Variants in TAF4 observed in about 807,000 individuals in gnomAD.
TAF4 encodes transcription initiation factor TFIID subunit 4.
TAF4 carries 9 observed loss-of-function variants against 90.3 expected under a neutral mutation model. The ratio of observed to expected loss-of-function variants is 0.10; its 90% CI spans 0.06 to 0.17. The LOEUF (loss-of-function observed/expected upper bound fraction) is 0.17, where lower values mean the gene tolerates loss of function less well. TAF4 is among the 10% of genes least tolerant of loss of function. The pLI is 1.00. For missense variants in TAF4, 1,351 were observed against 1,370.7 expected (o/e 0.99, Z 0.23); for synonymous variants, 818 against 638.9 (o/e 1.28, Z -4.23).
intron 1 of TAF4, among the ~76,000 whole-genome samples, chr20:62,040,462 A>C (rs900688009): frequency 6.6e-6 from 1 of 152,354 alleles, no homozygotes; most frequent in South Asian, 2.1e-4. Context: ...CCGGGGAGGA[A>C]GCTGGAGCAG....
intron 14 of TAF4, chr20:61,979,086 T>C (rs1257093570): frequency 6.5e-6 from 1 of 153,170 alleles, no homozygotes; most frequent in East Asian, 1.9e-4. Context: ...CGCAGAGAGT[T>C]TGTTGCTAAA....
intron 1 of TAF4, among the ~76,000 whole-genome samples, chr20:62,017,668 A>T (rs555762425): frequency 3.9e-4 from 59 of 152,104 alleles, no homozygotes; most frequent in East Asian, 9.7e-4. Flanking sequence ...ATAATAATTT[A>T]AAAAAATTGC....
At chr20:62,014,500 G>A in intron 2 of TAF4, 47 bp downstream of exon 2, 1 of 1,547,508 alleles carries the variant, frequency 6.5e-7, no homozygotes, top group Admixed American at 2.1e-5. Context: ...TGGGGAGAGG[G>A]GCTGGGCAGG....
intron 1 of TAF4, among the ~76,000 whole-genome samples, chr20:62,033,427 A>C (rs1410329153): frequency 1.3e-5 from 2 of 152,226 alleles, no homozygotes; most frequent in Non-Finnish European, 1.5e-5. Flanking sequence ...AAGCAAACAG[A>C]AAGCAACTTC....
intron 1 of TAF4, among the ~76,000 whole-genome samples, chr20:62,063,109 G>A (rs1258250759): frequency 3.3e-5 from 5 of 152,094 alleles, no homozygotes; most frequent in African/African-American, 4.8e-5. Context: ...GTCGTAAAGG[G>A]CGTCTCAGCA....
chr20:62,029,284 T>C (rs1600851348), intron 1 of TAF4, among the ~76,000 whole-genome samples: 1 of 152,124 alleles, frequency 6.6e-6, no homozygotes, highest in African/African-American at 2.4e-5. Context: ...GTTTGAAATT[T>C]TGCAAGATAA....
rs1279740983 is a variant in TAF4 at position 62,009,257 on chromosome 20, T to C, written c.1762-83A>G. 3.8e-6 allele frequency: 5 copies of C among 1,311,848 alleles called. No individual in the cohort carries two copies. The East Asian group carries it at 1.2e-4, about 32-fold the overall frequency. 81.3% of individuals were successfully genotyped at this position (1,311,848 alleles called of 1,614,324 possible). A position where few individuals can be genotyped will look rare whatever the true frequency, so the allele number is the denominator to read the frequency against. On this transcript the variant is annotated intron_variant, in intron 4 of 14. Coordinates refer to ENST00000252996, the MANE Select transcript of TAF4 (RefSeq NM_003185.4). ...GCCTTTGGTTACTAAAATATGCATA[T>C]GTACAAAAGATACATATATTTCTTC...
At chr20:62,063,298 C>CAAT (rs2056100247) in intron 1 of TAF4, among the ~76,000 whole-genome samples, 1 of 152,212 alleles carries the variant, frequency 6.6e-6, no homozygotes. Flanking sequence ...TCAAAGTGAC[C>CAAT]AATAGCTCCA....
chr20:61,986,856 A>C (rs1312572109), intron 14 of TAF4, among the ~76,000 whole-genome samples: 3 of 152,266 alleles, frequency 2.0e-5, no homozygotes, highest in African/African-American at 7.2e-5. Flanking sequence ...CCAATTAATA[A>C]ATGTAAACAG....
At chr20:62,008,899 G>C (rs865987645) in intron 5 of TAF4, 153 bp downstream of exon 5, 7 of 1,013,944 alleles carry the variant, frequency 6.9e-6, no homozygotes, top group Admixed American at 2.8e-5. Context: ...ACACGCCTTC[G>C]ACACGTGTGC....
intron 12 of TAF4, among the ~76,000 whole-genome samples, chr20:61,998,440 G>A (rs542384808): frequency 2.6e-5 from 4 of 152,258 alleles, no homozygotes; most frequent in East Asian, 1.9e-4. Context: ...TCTACCAATC[G>A]CAGGCTCTGA....
At chr20:62,014,486 T>G in intron 2 of TAF4, 61 bp downstream of exon 2, 1 of 1,510,930 alleles carries the variant, frequency 6.6e-7, no homozygotes, top group Admixed American at 2.3e-5. Flanking sequence ...TTCCCCAGCA[T>G]GCGTGGGGAG....
chr20:62,042,290 A>C (rs1415230801), intron 1 of TAF4, among the ~76,000 whole-genome samples: 1 of 152,160 alleles, frequency 6.6e-6, no homozygotes, highest in Non-Finnish European at 1.5e-5. Context: ...CTCCAGAGGA[A>C]GATCATCTTC....
At chr20:61,983,762 T>C (rs1220567772) in intron 14 of TAF4, among the ~76,000 whole-genome samples, 1 of 152,170 alleles carries the variant, frequency 6.6e-6, no homozygotes, top group Non-Finnish European at 1.5e-5. Context: ...TTAACTCACC[T>C]ATTAAAAGAG....
At position 62,065,765 on chromosome 20, in the gene TAF4, C is replaced by T; in HGVS notation, c.46G>A (p.Glu16Lys). 3 of 1,344,730 alleles carry T rather than the reference C, an allele frequency of 2.2e-6. No individual in the cohort carries two copies. Among genetic ancestry groups the T allele is most frequent in the South Asian group, 1.3e-5 (1 of 77,798 alleles). The allele number at this position is 1,344,730 out of a possible 1,614,324, so 83.3% of individuals were successfully genotyped here. Residue 16 changes from glutamate to lysine, a missense_variant, in exon 1 of 15, where the codon GAG becomes AAG. Around this residue, in one of 9 missense-constraint regions of TAF4, gnomAD observed 782 missense variants for 536.6 expected, o/e 1.46. Coordinates refer to ENST00000252996, the MANE Select transcript of TAF4 (RefSeq NM_003185.4). ...TCGCTCACCACTTTCTCGTCCACCTCGCTGTTGAAGAAGACCTCGTCCAGC... is the reference window on the plus strand; with the variant it reads ...TCGCTCACCACTTTCTCGTCCACCTTGCTGTTGAAGAAGACCTCGTCCAGC... ...DLLDEVFFNS[E>K]VDEKVVSDLV...
rs2055772695 is a variant in TAF4, at chr20:62,010,541, C to T, written c.1642-376G>A. Among the ~76,000 whole-genome samples, 1 of 152,074 alleles carries T rather than the reference C, an allele frequency of 6.6e-6. No individual in the cohort carries two copies. Among genetic ancestry groups the T allele is most frequent in the Non-Finnish European group, 1.5e-5 (1 of 68,028 alleles). On this transcript the variant is annotated intron_variant, in intron 3 of 14. Coordinates refer to ENST00000252996, the MANE Select transcript of TAF4 (RefSeq NM_003185.4). The surrounding 1 kb of genome is among the most constrained non-coding windows in gnomAD (Gnocchi z 4.5). ...CCCCATCTCTCAGAAATCAAAACAA[C>T]AAACAGAAGAACGGCTCCTGAAAGC...
chr20:62,045,863 C>G (rs1293355691), intron 1 of TAF4, among the ~76,000 whole-genome samples: 1 of 152,254 alleles, frequency 6.6e-6, no homozygotes, highest in African/African-American at 2.4e-5. Context: ...CCCAAACACA[C>G]AGCTCCTCAT....
chr20:62,064,579 C>T lies in TAF4; in HGVS notation c.1232G>A (p.Ser411Asn). The change falls in exon 1 of 15, where the codon AGC (serine) becomes AAC (asparagine). Residue 411 changes from serine to asparagine, a missense_variant. By Grantham distance (46) the Ser-to-Asn change is conservative. This residue lies in a region of TAF4 where 782 missense variants were observed against 536.6 expected (regional missense o/e 1.46). Transcript: ENST00000252996. ...GGTGGCCGTGGGCGTCCGGGACAGGCTCTGGGTCACTGCGCCGGCCGCGCC... is the reference window on the plus strand; with the variant it reads ...GGTGGCCGTGGGCGTCCGGGACAGGTTCTGGGTCACTGCGCCGGCCGCGCC... ...PKGAAGAVTQ[S>N]LSRTPTATTS... is the part of the protein sequence containing the mutation. 1.3e-6 allele frequency: 2 copies of T among 1,501,936 alleles called. No individual in the cohort carries two copies. The highest frequency in any genetic ancestry group is 1.8e-6 in the Non-Finnish European group (2 of 1,130,824). The allele number at this position is 1,501,936 out of a possible 1,614,324, so 93.0% of individuals were successfully genotyped here. A position where few individuals can be genotyped will look rare whatever the true frequency, so the allele number is the denominator to read the frequency against.
intron 1 of TAF4, among the ~76,000 whole-genome samples, chr20:62,063,590 C>T (rs549281063): frequency 2.0e-5 from 3 of 152,262 alleles, no homozygotes; most frequent in African/African-American, 7.2e-5. Flanking sequence ...GGCGTCGGAG[C>T]CCCAGGCATC....
Sources: gnomAD v4.1 joint callset for allele counts (sites outside exome capture counted in the v4.1 genomes callset) on GRCh38, gnomAD v4.1.1 for gene constraint, gnomAD v4.1.1 regional missense constraint, Gnocchi (gnomAD v3.1) non-coding constraint, MANE v1.5 for transcripts, NCBI Gene and HGNC (gene_info 2026-07-23, HGNC 2026-07-21) for gene names.